CHD8: variants seen among roughly 807,000 people sequenced by gnomAD.
The protein encoded by CHD8 is ATP-dependent chromatin remodeler CHD8.
CHD8 carries 31 observed loss-of-function variants against 279.2 expected under a neutral mutation model. The observed-to-expected ratio is 0.11, with a 90% CI of 0.08 to 0.15. CHD8 has a LOEUF of 0.15. Ranked by LOEUF, CHD8 falls within the 10% of genes least tolerant of loss-of-function variation. CHD8 has a pLI of 1.00. For synonymous variants in CHD8, 1,081 were observed against 1,139.6 expected (o/e 0.95, Z 1.04); for missense variants, 2,146 against 3,230.5 (o/e 0.66, Z 8.14).
In CHD8 at chr14:21,400,939, C is replaced by T. The variant is rs1888003854; in HGVS notation, c.4306G>A (p.Asp1436Asn). Residue 1436 changes from aspartate to asparagine, a missense_variant, in exon 22 of 38, where the codon GAC becomes AAC. By Grantham distance (23) the Asp-to-Asn change is conservative (BLOSUM62 1). Coordinates refer to ENST00000646647, the MANE Select transcript of CHD8 (RefSeq NM_001170629.2). This position sits in a 1 kb window ranked among gnomAD's most constrained non-coding sequence, Gnocchi z 4.2. ...DDERPRSRRH[D>N]RHHAYGRTDC... ...GTGCGCCCATAGGCATGATGACGGT[C>T]ATGTCTGCGGGAGCGTGGCCGCTCA... 8 of 1,613,768 alleles carry T rather than the reference C, an allele frequency of 5.0e-6. No homozygotes were observed. Among genetic ancestry groups the T allele is most frequent in the Non-Finnish European group, 6.8e-6 (8 of 1,179,816 alleles).
intron 2 of CHD8, chr14:21,430,403 C>G (rs1321506337): frequency 1.2e-5 from 2 of 167,706 alleles, no homozygotes; most frequent in African/African-American, 4.8e-5. Flanking sequence ...TTTTACAAGT[C>G]TTGCAAATAT....
intron 26 of CHD8, chr14:21,398,169 C>T (rs769094172): frequency 5.6e-5 from 17 of 304,264 alleles, no homozygotes; most frequent in Admixed American, 2.9e-4. Flanking sequence ...GACTGATAGC[C>T]TTAGGCTCCC....
chr14:21,401,897 T>C (rs1888055376), intron 20 of CHD8, 60 bp downstream of exon 20: 4 of 1,468,256 alleles, frequency 2.7e-6, no homozygotes, highest in South Asian at 2.4e-5. Context: ...AAAAACATAA[T>C]TAAATCCTAG....
rs1366412227 is a variant in CHD8, at chr14:21,403,689, T to C, written c.3308-26A>G. 1.3e-6 allele frequency: 2 copies of C among 1,536,024 alleles called. No homozygotes were observed. The highest frequency in any genetic ancestry group is 1.8e-6 in the Non-Finnish European group (2 of 1,130,024). ...CTGCCAAAAGAAAAATCAAATTATG[T>C]TGAGATCCAGTGAACCATATTAAGG... On this transcript the variant is annotated intron_variant, in intron 16 of 37. Transcript: ENST00000646647. The surrounding 1 kb of genome is among the most constrained non-coding windows in gnomAD (Gnocchi z 4.3).
intron 26 of CHD8, 113 bp from the exon 27 acceptor site, chr14:21,398,065 CA>C (rs930008179): frequency 9.9e-7 from 1 of 1,005,756 alleles, no homozygotes; most frequent in East Asian, 2.7e-5. Flanking sequence ...TAATGGAAAA[CA>C]AAGTTAGAAT....
chr14:21,451,497 G>A (rs999865384), intron 1 of CHD8, among the ~76,000 whole-genome samples: 1 of 149,742 alleles, frequency 6.7e-6, no homozygotes, highest in Non-Finnish European at 1.5e-5. Context: ...ACCTGAACCC[G>A]GGAGGCGGAG....
Position 21,408,939 on chromosome 14 carries a change from C to T in CHD8, c.2365-114G>A. 1 of 1,077,106 alleles carries T rather than the reference C, an allele frequency of 9.3e-7. No individual in the cohort carries two copies. Among genetic ancestry groups the T allele is most frequent in the Non-Finnish European group, 1.3e-6 (1 of 760,250 alleles). 66.7% of individuals were successfully genotyped at this position (1,077,106 alleles called of 1,614,324 possible). On this transcript the variant is annotated intron_variant, in intron 11 of 37. Coordinates refer to ENST00000646647, the MANE Select transcript of CHD8 (RefSeq NM_001170629.2). This position sits in a 1 kb window ranked among gnomAD's most constrained non-coding sequence, Gnocchi z 4.3. ...CAAAACAACATTGTTTGGATTAAAA[C>T]ATGTCAAATATATTTAAATTTATGA...
intron 21 of CHD8, 136 bp from the exon 22 acceptor site, chr14:21,401,207 A>C (rs1888020226): frequency 2.2e-6 from 2 of 901,166 alleles, no homozygotes; most frequent in Admixed American, 6.2e-5. Flanking sequence ...CATGTAAAAT[A>C]ATCTACAGAA....
intron 1 of CHD8, among the ~76,000 whole-genome samples, chr14:21,436,614 A>G (rs1416941631): frequency 6.6e-6 from 1 of 152,008 alleles, no homozygotes; most frequent in East Asian, 1.9e-4. Context: ...ATGTGTGGCT[A>G]CTCTGTTTCT....
rs2139444565 is a variant in CHD8, at chr14:21,392,558, G to C, written c.6720C>G (p.Thr2240=). The C allele has an allele frequency of 6.2e-7, 1 of 1,613,432 alleles. No individual in the cohort carries two copies. Among genetic ancestry groups the C allele is most frequent in the East Asian group, 2.2e-5 (1 of 44,892 alleles). The change falls in exon 34 of 38, where the codon ACC becomes ACG. Residue 2240 remains threonine, a synonymous_variant. Transcript: ENST00000646647. ...TTTCATCCATGCCTCGGCGAAGTTT[G>C]GTGAACTGGGCTGCCGCTGTGCTGA... ...SAVSTAAAQF[T]KLRRGMDEKE... is the part of the protein sequence containing the mutation.
intron 13 of CHD8, among the ~76,000 whole-genome samples, chr14:21,407,591 T>G (rs534375101): frequency 9.2e-5 from 14 of 152,076 alleles, no homozygotes; most frequent in Non-Finnish European, 1.8e-4. Context: ...CAAATTTACA[T>G]GGAAAAAGGA....
At chr14:21,425,920 G>C in intron 5 of CHD8, 1 of 532,082 alleles carries the variant, frequency 1.9e-6, no homozygotes, top group Non-Finnish European at 3.3e-6. Flanking sequence ...CTGGGTGAGA[G>C]AGCAAGACTC....
At chr14:21,404,212 A>C (rs913227207) in intron 16 of CHD8, among the ~76,000 whole-genome samples, 1 of 151,982 alleles carries the variant, frequency 6.6e-6, no homozygotes, top group Non-Finnish European at 1.5e-5. Context: ...AGCCTGCCCC[A>C]TGTGGCGAAA....
rs1887654300 is a variant in CHD8, at chr14:21,393,843, C to G, written c.5952G>C (p.Leu1984=). 6.2e-7 allele frequency: 1 copy of G among 1,613,970 alleles called. No individual in the cohort carries two copies. Among genetic ancestry groups the G allele is most frequent in the South Asian group, 1.1e-5 (1 of 91,082 alleles). Residue 1984 remains leucine, a synonymous_variant, in exon 32 of 38, where the codon CTG becomes CTC. Coordinates refer to ENST00000646647, the MANE Select transcript of CHD8 (RefSeq NM_001170629.2). ...APSLSRCSTP[L]LHQQYTSRTA... is the part of the protein sequence containing the mutation. ...TGCGTGAGGTATACTGCTGGTGCAG[C>G]AGTGGAGTAGAGCAGCGTGACAAGG... is the stretch of plus-strand genomic sequence containing the variant.
Position 21,392,337 on chromosome 14 carries a change from A to C in CHD8, c.6771+170T>G, listed in dbSNP as rs185676637. 10 of 779,902 alleles carry C rather than the reference A, an allele frequency of 1.3e-5. 1 individual carries two copies. Among genetic ancestry groups the C allele is most frequent in the Admixed American group, 9.1e-5 (4 of 43,842 alleles). 48.3% of individuals were successfully genotyped at this position (779,902 alleles called of 1,614,324 possible). A position where few individuals can be genotyped will look rare whatever the true frequency, so the allele number is the denominator to read the frequency against. Reference sequence around the variant, plus strand: ...GATTAATAATCAATAGGGTTCAATAAGGAAAACAACCAGGAAAAATGATTC... The same window carrying C: ...GATTAATAATCAATAGGGTTCAATACGGAAAACAACCAGGAAAAATGATTC... On this transcript the variant is annotated intron_variant, in intron 34 of 37. Coordinates refer to ENST00000646647, the MANE Select transcript of CHD8 (RefSeq NM_001170629.2).
intron 10 of CHD8, among the ~76,000 whole-genome samples, chr14:21,410,950 T>G (rs1888467273): frequency 6.6e-6 from 1 of 152,236 alleles, no homozygotes; most frequent in Non-Finnish European, 1.5e-5. Context: ...TCTATTTATT[T>G]CCACCATTAG....
Position 21,407,007 on chromosome 14 carries a change from T to C in CHD8, c.2756A>G (p.Lys919Arg), listed in dbSNP as rs756368963. 3.1e-6 allele frequency: 5 copies of C among 1,592,766 alleles called. No individual in the cohort carries two copies. Among genetic ancestry groups the C allele is most frequent in the Non-Finnish European group, 4.3e-6 (5 of 1,169,070 alleles). Residue 919 changes from lysine to arginine, a missense_variant, in exon 14 of 38, where the codon AAG becomes AGG. Physicochemically the swap from Lys to Arg is conservative, Grantham distance 26. Transcript: ENST00000646647. ...AAAAGTGGTGATCAGAGCGTCAAAC[T>C]TGTATGCGCCTGGGATGAGGCGTCC... The part of the protein sequence containing the change: ...SRGRLIPGAY[K>R]FDALITTFEM...
intron 1 of CHD8, among the ~76,000 whole-genome samples, chr14:21,454,184 A>G (rs1379824259): frequency 6.8e-6 from 1 of 148,066 alleles, no homozygotes; most frequent in Non-Finnish European, 1.5e-5. Flanking sequence ...AAAGAAAAGA[A>G]AAGAAAAGAA....
chr14:21,395,533 A>G, intron 28 of CHD8, 181 bp from the exon 29 acceptor site: 1 of 605,540 alleles, frequency 1.7e-6, no homozygotes, highest in Non-Finnish European at 2.9e-6. Flanking sequence ...AGAAAGTAGA[A>G]CCTGAAAGGT....
Sources: allele counts gnomAD v4.1 joint callset (sites outside exome capture counted in the v4.1 genomes callset), GRCh38; gene constraint gnomAD v4.1.1; non-coding constraint Gnocchi (gnomAD v3.1); transcripts MANE v1.5; gene names NCBI Gene and HGNC (gene_info 2026-07-23, HGNC 2026-07-21).